Variants in SSBP2 observed in about 807,000 individuals in gnomAD.
SSBP2 encodes single stranded DNA binding protein 2.
Under a neutral mutation model 61.8 loss-of-function variants are expected in SSBP2, and 17 were observed. That is an observed-to-expected ratio of 0.28 (90% confidence interval 0.19 to 0.41). The LOEUF (loss-of-function observed/expected upper bound fraction) is 0.41. Among genes scored for constraint, SSBP2 ranks in the 10% least tolerant of loss-of-function variants. The pLI is 1.00. For missense variants in SSBP2, 310 were observed against 458.7 expected (o/e 0.68, Z 2.96); for synonymous variants, 139 against 141.3 (o/e 0.98, Z 0.12).
intron 4 of SSBP2, among the ~76,000 whole-genome samples, chr5:81,531,121 C>G (rs2154105313): frequency 6.6e-6 from 1 of 150,866 alleles, no homozygotes; most frequent in African/African-American, 2.4e-5. Flanking sequence ...GCCTATAGTC[C>G]CAGCTACTAG....
At chr5:81,430,440 T>TACCAC (rs1762215287) in intron 15 of SSBP2, among the ~76,000 whole-genome samples, 2 of 152,164 alleles carry the variant, frequency 1.3e-5, no homozygotes, top group Non-Finnish European at 2.9e-5. Context: ...CCCCCTGTGG[T>TACCAC]ATATAAGGTA....
intron 1 of SSBP2, among the ~76,000 whole-genome samples, chr5:81,731,871 TAAAC>T (rs1473067857): frequency 6.6e-6 from 1 of 151,246 alleles, no homozygotes. Context: ...AATATTAACT[TAAAC>T]AGAGAAATGA....
At chr5:81,654,437 C>CA (rs1198266521) in intron 1 of SSBP2, among the ~76,000 whole-genome samples, 1 of 152,082 alleles carries the variant, frequency 6.6e-6, no homozygotes, top group Non-Finnish European at 1.5e-5. Context: ...CTTGTATTGT[C>CA]AAAAGGATTA....
At chr5:81,579,885 T>C (rs1186857580) in intron 4 of SSBP2, among the ~76,000 whole-genome samples, 2 of 152,126 alleles carry the variant, frequency 1.3e-5, no homozygotes, top group Non-Finnish European at 2.9e-5. Flanking sequence ...GCTTTACAAA[T>C]AGGCCTCTTT....
intron 5 of SSBP2, among the ~76,000 whole-genome samples, chr5:81,503,432 T>G (rs1469078550): frequency 6.6e-6 from 1 of 151,952 alleles, no homozygotes; most frequent in South Asian, 2.1e-4. Context: ...CCAGCCTGGG[T>G]GACAGAGCGA....
intron 1 of SSBP2, among the ~76,000 whole-genome samples, chr5:81,744,623 C>G (rs1350361816): frequency 6.8e-6 from 1 of 147,362 alleles, no homozygotes; most frequent in African/African-American, 2.5e-5. Flanking sequence ...AAAAAAAAAA[C>G]AAAGGGCTAT....
chr5:81,715,553 A>G lies in SSBP2; in HGVS notation c.62+35428T>C, dbSNP rs550873027. Among the ~76,000 whole-genome samples, 253 of 152,350 alleles carry G rather than the reference A, an allele frequency of 1.7e-3. 6 individuals are homozygous for G. The highest frequency in any genetic ancestry group is 3.4e-3 in the Admixed American group (52 of 15,298). ...TAAACCAATGATATGTTCATAGAAA[A>G]CAAACCTACCTTTTAACAAGTATAA... On this transcript the variant is annotated intron_variant, in intron 1 of 16. Coordinates refer to ENST00000320672, the MANE Select transcript of SSBP2 (RefSeq NM_012446.5).
intron 4 of SSBP2, among the ~76,000 whole-genome samples, chr5:81,528,097 T>C: frequency 6.6e-6 from 1 of 152,016 alleles, no homozygotes; most frequent in East Asian, 1.9e-4. Flanking sequence ...TATTGAGATT[T>C]TGTTTTCAGT....
intron 12 of SSBP2, among the ~76,000 whole-genome samples, chr5:81,445,099 G>C (rs1184040923): frequency 7.7e-6 from 1 of 129,410 alleles, no homozygotes; most frequent in Non-Finnish European, 1.6e-5. Flanking sequence ...CTCCAGCCTG[G>C]GTGACAGAGG....
chr5:81,450,563 A>G (rs927811211), intron 10 of SSBP2, among the ~76,000 whole-genome samples: 4 of 152,166 alleles, frequency 2.6e-5, no homozygotes, highest in African/African-American at 9.7e-5. Context: ...TCCTCCATTT[A>G]TGAGTATGGT....
intron 1 of SSBP2, among the ~76,000 whole-genome samples, chr5:81,720,057 C>G (rs998873515): frequency 6.6e-6 from 1 of 151,932 alleles, no homozygotes; most frequent in Non-Finnish European, 1.5e-5. Flanking sequence ...GTAGTCTGCC[C>G]GCAAGCCAGC....
intron 1 of SSBP2, among the ~76,000 whole-genome samples, chr5:81,662,055 C>A (rs58050716): frequency 0.055 from 8,296 of 152,216 alleles, 458 homozygotes; most frequent in African/African-American, 0.14. Context: ...ATTCTGCATG[C>A]AAATATAATA....
At chr5:81,496,803 C>T (rs140096480) in intron 5 of SSBP2, among the ~76,000 whole-genome samples, 149 of 151,912 alleles carry the variant, frequency 9.8e-4, no homozygotes, top group Non-Finnish European at 1.6e-3. Context: ...CTTTGTAACA[C>T]CCTGCCATAG....
At chr5:81,573,302 GA>G (rs1773966948) in intron 4 of SSBP2, among the ~76,000 whole-genome samples, 1 of 152,220 alleles carries the variant, frequency 6.6e-6, no homozygotes, top group African/African-American at 2.4e-5. Flanking sequence ...ATAATGAAAT[GA>G]AAAGATGCTC....
chr5:81,569,336 C>T (rs1185405706), intron 4 of SSBP2, among the ~76,000 whole-genome samples: 1 of 152,092 alleles, frequency 6.6e-6, no homozygotes, highest in Non-Finnish European at 1.5e-5. Context: ...CCAACATAAG[C>T]TTTAAGCTAG....
At chr5:81,489,229 T>G in intron 6 of SSBP2, 21 bp downstream of exon 6, 1 of 1,596,086 alleles carries the variant, frequency 6.3e-7, no homozygotes, top group South Asian at 1.1e-5. Context: ...ACAAAAAACT[T>G]ACATAGCACA....
At chr5:81,473,530 G>A (rs190555921) in intron 8 of SSBP2, among the ~76,000 whole-genome samples, 170 bp downstream of exon 8, 1 of 152,224 alleles carries the variant, frequency 6.6e-6, no homozygotes, top group East Asian at 1.9e-4. Flanking sequence ...GAGGATGATG[G>A]CTTCCAGCTT....
intron 4 of SSBP2, among the ~76,000 whole-genome samples, chr5:81,587,815 A>G (rs1460502850): frequency 6.6e-6 from 1 of 152,090 alleles, no homozygotes; most frequent in Non-Finnish European, 1.5e-5. Context: ...ACTGAGATGT[A>G]AGATAGCGAA....
At chr5:81,483,167 G>C (rs1344111957) in intron 6 of SSBP2, among the ~76,000 whole-genome samples, 1 of 152,136 alleles carries the variant, frequency 6.6e-6, no homozygotes, top group African/African-American at 2.4e-5. Flanking sequence ...AGTGATCACT[G>C]TAAGAGATAT....
Sources: gnomAD v4.1 joint callset for allele counts (sites outside exome capture counted in the v4.1 genomes callset) on GRCh38, gnomAD v4.1.1 for gene constraint, MANE v1.5 for transcripts, NCBI Gene and HGNC (gene_info 2026-07-23, HGNC 2026-07-21) for gene names.